The following ZFYVE16 variants were observed in gnomAD, a reference collection of about 807,000 sequenced individuals.
ZFYVE16 encodes zinc finger FYVE-type containing 16.
A neutral mutation model predicts 138.1 loss-of-function variants in ZFYVE16; 89 were observed. That is an observed-to-expected ratio of 0.64 (90% confidence interval 0.54 to 0.77). The LOEUF is 0.77. Ranked by LOEUF, ZFYVE16 falls within the 30% of genes least tolerant of loss-of-function variation. The probability of loss-of-function intolerance (pLI) is 0.00; values close to 1 mark genes in which losing one functional copy is unlikely to be tolerated. For missense variants in ZFYVE16, 1,793 were observed against 1,786.7 expected (o/e 1.00, Z -0.06); for synonymous variants, 596 against 618.3 (o/e 0.96, Z 0.53).
chr5:80,421,848 T>C (rs1561237269), intron 1 of ZFYVE16, among the ~76,000 whole-genome samples: 1 of 152,196 alleles, frequency 6.6e-6, no homozygotes, highest in African/African-American at 2.4e-5. Context: ...CATTGGTAGC[T>C]TGATGGGGAT....
At chr5:80,459,050 C>T (rs768707181) in intron 14 of ZFYVE16, among the ~76,000 whole-genome samples, 10 of 152,196 alleles carry the variant, frequency 6.6e-5, no homozygotes, top group Non-Finnish European at 1.3e-4. Flanking sequence ...GCCTCAGCCT[C>T]CTGAGTGGCC....
chr5:80,411,131 C>A (rs1415049133), intron 1 of ZFYVE16, among the ~76,000 whole-genome samples: 1 of 92,128 alleles, frequency 1.1e-5, no homozygotes, highest in African/African-American at 3.4e-5. Context: ...CCACGCCCAG[C>A]TAATTTTTTT....
At chr5:80,411,921 G>A (rs1211878592) in intron 1 of ZFYVE16, 1 of 152,002 alleles carries the variant, frequency 6.6e-6, no homozygotes, top group Non-Finnish European at 1.5e-5. Context: ...CTTGCTTTCG[G>A]TCTCCAAAAC....
At chr5:80,420,101 C>T (rs1465633320) in intron 1 of ZFYVE16, among the ~76,000 whole-genome samples, 3 of 146,886 alleles carry the variant, frequency 2.0e-5, no homozygotes, top group African/African-American at 2.5e-5. Flanking sequence ...TGAGCCAGCG[C>T]GCCTGGCTTT....
At chr5:80,431,760 G>A (rs1384037199) in intron 2 of ZFYVE16, among the ~76,000 whole-genome samples, 1 of 152,128 alleles carries the variant, frequency 6.6e-6, no homozygotes, top group Non-Finnish European at 1.5e-5. Context: ...CAAAATCAGT[G>A]TGCAAAAATC....
intron 3 of ZFYVE16, chr5:80,435,711 A>G (rs1486383146): frequency 1.1e-5 from 5 of 434,838 alleles, no homozygotes; most frequent in South Asian, 4.9e-5. Flanking sequence ...TGGGACCACA[A>G]GTGTGCGCCA....
At position 80,437,865 on chromosome 5, in the gene ZFYVE16, C is replaced by T. The variant is rs748805433; in HGVS notation, c.1180C>T (p.Arg394Trp). 3.5e-5 allele frequency: 56 copies of T among 1,613,726 alleles called. No individual in the cohort carries two copies. The highest frequency in any genetic ancestry group is 2.7e-4 in the Admixed American group (16 of 59,970). Residue 394 changes from arginine to tryptophan, a missense_variant, in exon 4 of 19, where the codon CGG (arginine) becomes TGG (tryptophan). Arg to Trp is a moderately radical substitution (Grantham distance 101, BLOSUM62 -3). This residue lies in a region of ZFYVE16 where 1,295 missense variants were observed against 1,204.3 expected (regional missense o/e 1.08). Transcript: ENST00000505560. ...TGGATCATTAATTGAAAGTAAAGCA[C>T]GGGGTGATTTTTTACCTCAGCATGA... ...MCGSLIESKA[R>W]GDFLPQHEHK...
At position 80,443,246 on chromosome 5, in the gene ZFYVE16, C is replaced by A; in HGVS notation, c.2543C>A (p.Thr848Asn). The change falls in exon 6 of 19, where the codon ACT (threonine) becomes AAT (asparagine). Residue 848 changes from threonine to asparagine, a missense_variant. By Grantham distance (65) the Thr-to-Asn change is moderately conservative. Transcript: ENST00000505560. ...NQTSSIPSPA[T>N]LPVSALKQPG... ...ACATCCAGTATACCTTCACCAGCAA[C>A]TTTGCCAGTCTCAGCACTTAAACAA... is the stretch of plus-strand genomic sequence containing the variant. The A allele has an allele frequency of 6.2e-7, 1 of 1,611,584 alleles. No homozygotes were observed. Among genetic ancestry groups the A allele is most frequent in the Non-Finnish European group, 8.5e-7 (1 of 1,179,432 alleles).
At chr5:80,420,914 A>G (rs1580114372) in intron 1 of ZFYVE16, among the ~76,000 whole-genome samples, 1 of 152,328 alleles carries the variant, frequency 6.6e-6, no homozygotes, top group East Asian at 1.9e-4. Flanking sequence ...TCCCACCAAC[A>G]GTGTAAAAGT....
rs764075297 is a variant in ZFYVE16 at position 80,437,893 on chromosome 5, A to G, written c.1208A>G (p.His403Arg). ...ARGDFLPQHE[H>R]KDNIQDAVTI... The stretch of plus-strand genomic sequence containing the variant: ...GGTGATTTTTTACCTCAGCATGAAC[A>G]TAAAGATAATATACAAGATGCAGTG... Residue 403 changes from histidine to arginine, a missense_variant, in exon 4 of 19, where the codon CAT becomes CGT. Physicochemically the swap from His to Arg is conservative, Grantham distance 29 (BLOSUM62 0). Around this residue, in one of 2 missense-constraint regions of ZFYVE16, gnomAD observed 1,295 missense variants for 1,204.3 expected, o/e 1.08. Coordinates refer to ENST00000505560, the MANE Select transcript of ZFYVE16 (RefSeq NM_001284236.3). 7.4e-6 allele frequency: 12 copies of G among 1,613,944 alleles called. No individual in the cohort carries two copies. The highest frequency in any genetic ancestry group is 1.0e-5 in the Non-Finnish European group (12 of 1,179,942).
At chr5:80,451,313 G>T (rs1484005280) in intron 10 of ZFYVE16, among the ~76,000 whole-genome samples, 172 bp from the exon 11 acceptor site, 1 of 152,236 alleles carries the variant, frequency 6.6e-6, no homozygotes, top group African/African-American at 2.4e-5. Flanking sequence ...AGATGCTTTT[G>T]CAAGAACAGA....
At chr5:80,428,944 C>A (rs898892812) in intron 2 of ZFYVE16, among the ~76,000 whole-genome samples, 18 of 152,114 alleles carry the variant, frequency 1.2e-4, no homozygotes, top group Admixed American at 2.0e-4. Context: ...CTCCAAGAAA[C>A]ATGGGACTGT....
intron 15 of ZFYVE16, among the ~76,000 whole-genome samples, chr5:80,463,804 A>G (rs527547904): frequency 3.7e-4 from 57 of 152,146 alleles, no homozygotes; most frequent in Non-Finnish European, 7.9e-4. Flanking sequence ...GCTGCTTAGA[A>G]ATTTCTTCCG....
intron 1 of ZFYVE16, among the ~76,000 whole-genome samples, chr5:80,420,129 CAGAGTTT>C (rs1746903799): frequency 6.7e-6 from 1 of 150,238 alleles, no homozygotes; most frequent in Admixed American, 6.6e-5. Context: ...TCTTTTGAGA[CAGAGTTT>C]AGCTCTGGCA....
intron 1 of ZFYVE16, among the ~76,000 whole-genome samples, chr5:80,417,195 T>G (rs1317152965): frequency 2.0e-5 from 3 of 152,234 alleles, no homozygotes; most frequent in African/African-American, 7.2e-5. Context: ...AACAACTTTA[T>G]CAACTAGGGT....
At chr5:80,422,516 G>A (rs909027682) in intron 1 of ZFYVE16, among the ~76,000 whole-genome samples, 12 of 152,188 alleles carry the variant, frequency 7.9e-5, no homozygotes, top group African/African-American at 2.4e-4. Flanking sequence ...GTTCAGTGGC[G>A]TGATCTCGGG....
intron 15 of ZFYVE16, among the ~76,000 whole-genome samples, chr5:80,460,892 C>T (rs1753031570): frequency 6.6e-6 from 1 of 152,186 alleles, no homozygotes; most frequent in Non-Finnish European, 1.5e-5. Context: ...ATGAAATCAT[C>T]ACCCACCTTT....
At chr5:80,434,082 A>G (rs1660851967) in intron 2 of ZFYVE16, 27 bp from the exon 3 acceptor site, 1 of 1,432,290 alleles carries the variant, frequency 7.0e-7, no homozygotes, top group African/African-American at 1.4e-5. Context: ...AATTAAATGA[A>G]ATATTATTAT....
intron 15 of ZFYVE16, 25 bp from the exon 16 acceptor site, chr5:80,472,736 A>T (rs1221062404): frequency 6.2e-7 from 1 of 1,603,892 alleles, no homozygotes; most frequent in Non-Finnish European, 8.5e-7. Flanking sequence ...GGCAAAAGAA[A>T]TGTGAAACTT....
Sources: gnomAD v4.1 joint callset for allele counts (sites outside exome capture counted in the v4.1 genomes callset) on GRCh38, gnomAD v4.1.1 for gene constraint, gnomAD v4.1.1 regional missense constraint, MANE v1.5 for transcripts, NCBI Gene and HGNC (gene_info 2026-07-23, HGNC 2026-07-21) for gene names.